The following RBL1 variants were observed in gnomAD, a reference collection of about 807,000 sequenced individuals.
RBL1 encodes retinoblastoma-like protein 1.
Under a neutral mutation model 123.0 loss-of-function variants are expected in RBL1, and 82 were observed. The observed-to-expected ratio is 0.67, with a 90% CI of 0.56 to 0.80. RBL1 has a LOEUF of 0.80. Ranked by LOEUF, RBL1 falls within the 30% of genes least tolerant of loss-of-function variation. The pLI is 0.00. For synonymous variants in RBL1, 405 were observed against 441.3 expected (o/e 0.92, Z 1.03); for missense variants, 1,171 against 1,299.6 (o/e 0.90, Z 1.52).
intron 12 of RBL1, among the ~76,000 whole-genome samples, chr20:37,044,761 T>C (rs1018806553): frequency 2.6e-5 from 4 of 152,234 alleles, no homozygotes; most frequent in Admixed American, 1.3e-4. Context: ...CACATATATT[T>C]CTGTTTTTCA....
chr20:37,061,559 C>G (rs1272148346), intron 8 of RBL1, among the ~76,000 whole-genome samples: 1 of 152,116 alleles, frequency 6.6e-6, no homozygotes, highest in African/African-American at 2.4e-5. Flanking sequence ...TTTCAGTTGA[C>G]AAAGTTAATG....
chr20:37,022,618 T>C (rs758269847), intron 17 of RBL1, 32 bp downstream of exon 17: 4 of 1,574,466 alleles, frequency 2.5e-6, no homozygotes, highest in African/African-American at 2.7e-5. Context: ...TGAGCCACCA[T>C]GCCCAGCCTC....
At position 37,056,220 on chromosome 20, in the gene RBL1, A is replaced by G; in HGVS notation, c.1289T>C (p.Ile430Thr). The change falls in exon 10 of 22, where the codon ATA becomes ACA. Residue 430 changes from isoleucine to threonine, a missense_variant. Physicochemically the swap from Ile to Thr is moderately conservative, Grantham distance 89. Coordinates refer to ENST00000373664, the MANE Select transcript of RBL1 (RefSeq NM_002895.5). Reference sequence around the variant, plus strand: ...GAAAGTCTCTCCTATTCCTTTTAGTATTTTCATAATGTTTTCCACAGGATT... The same window carrying G: ...GAAAGTCTCTCCTATTCCTTTTAGTGTTTTCATAATGTTTTCCACAGGATT... Reference protein sequence around the residue: ...VRNPVENIMKILKGIGETFCQ... With the variant: ...VRNPVENIMKTLKGIGETFCQ... The G allele has an allele frequency of 6.2e-7, 1 of 1,610,456 alleles. No homozygotes were observed. The highest frequency in any genetic ancestry group is 1.1e-5 in the South Asian group (1 of 90,692).
intron 11 of RBL1, among the ~76,000 whole-genome samples, chr20:37,048,901 T>TA (rs948529702): frequency 0.03 from 3,362 of 111,234 alleles, 155 homozygotes; most frequent in African/African-American, 0.097. Flanking sequence ...ACCATCGTAT[T>TA]AAAAAAAAAA....
At position 36,998,655 on chromosome 20, in the gene RBL1, C is replaced by T. The variant is rs2063914937; in HGVS notation, c.*104G>A. 3 of 1,009,818 alleles carry T rather than the reference C, an allele frequency of 3.0e-6. No homozygotes were observed. Among genetic ancestry groups the T allele is most frequent in the South Asian group, 2.0e-5 (1 of 48,938 alleles). 62.6% of individuals were successfully genotyped at this position (1,009,818 alleles called of 1,614,324 possible). A position where few individuals can be genotyped will look rare whatever the true frequency, so the allele number is the denominator to read the frequency against. On this transcript the variant is annotated 3_prime_UTR_variant, in exon 22 of 22. Coordinates refer to ENST00000373664, the MANE Select transcript of RBL1 (RefSeq NM_002895.5). ...TTTTTGTGCAATTTTTTCTTATAAC[C>T]CAGTGATATTTATCATCTATAGGGC... is the stretch of plus-strand genomic sequence containing the variant.
chr20:37,004,949 T>C (rs957006405), intron 20 of RBL1, among the ~76,000 whole-genome samples: 4 of 151,422 alleles, frequency 2.6e-5, no homozygotes, highest in Admixed American at 2.0e-4. Flanking sequence ...AGGCTGAGCA[T>C]GACAGTTGTT....
chr20:37,070,080 T>C (rs1256249114), intron 2 of RBL1, among the ~76,000 whole-genome samples: 1 of 152,216 alleles, frequency 6.6e-6, no homozygotes, highest in Non-Finnish European at 1.5e-5. Context: ...CGTGTCTGTG[T>C]AGAAAGAAGT....
chr20:37,058,122 AAAAAAAACAAAACAAAAC>A lies in RBL1; in HGVS notation c.1251-1882_1251-1865del, dbSNP rs1260162941. ...CAAGGGCGAAACTCTGTCTAAAAAA[AAAAAAAACAAAACAAAAC>A]AAAAAAAAAAAAGCCTATTCCAGGG... On this transcript the variant is annotated intron_variant, in intron 9 of 21. Transcript: ENST00000373664. Among the ~76,000 whole-genome samples, 710 of 147,458 alleles carry A rather than the reference AAAAAAAACAAAACAAAAC, an allele frequency of 4.8e-3. 92 individuals are homozygous for A. The East Asian group carries it at 0.077, about 16-fold the overall frequency.
Position 37,022,803 on chromosome 20 carries a change from G to A in RBL1, c.2406C>T (p.Arg802=), listed in dbSNP as rs749648419. The part of the protein sequence containing the change: ...YRKVYHLASV[R]LRDLCLKLDV... ...CCAGTTTTAGACATAGATCACGTAAGCGTACACTTGCCAAATGATAGACCT... is the reference window on the plus strand; with the variant it reads ...CCAGTTTTAGACATAGATCACGTAAACGTACACTTGCCAAATGATAGACCT... The change falls in exon 17 of 22, where the codon CGC becomes CGT. Residue 802 remains arginine (R), a synonymous_variant. Transcript: ENST00000373664. The A allele has an allele frequency of 5.6e-6, 9 of 1,610,848 alleles. No individual in the cohort carries two copies. Among genetic ancestry groups the A allele is most frequent in the South Asian group, 1.1e-5 (1 of 90,876 alleles).
intron 2 of RBL1, among the ~76,000 whole-genome samples, chr20:37,082,195 G>A (rs1192505971): frequency 1.3e-5 from 2 of 152,160 alleles, no homozygotes; most frequent in African/African-American, 4.8e-5. Context: ...CTCCTCCTCA[G>A]GTTGGGGCCA....
intron 3 of RBL1, among the ~76,000 whole-genome samples, chr20:37,067,766 CAAAAAAAAA>C (rs1168742059): frequency 4.8e-5 from 3 of 62,686 alleles, no homozygotes; most frequent in Non-Finnish European, 6.1e-5. Flanking sequence ...TGAGACTCCT[CAAAAAAAAA>C]AAAAAAAAAA....
Position 37,066,738 on chromosome 20 carries a change from G to A in RBL1, c.832C>T (p.Leu278Phe). 1 of 1,612,794 alleles carries A rather than the reference G, an allele frequency of 6.2e-7. No homozygotes were observed. The change falls in exon 6 of 22, where the codon CTC becomes TTC. Residue 278 changes from leucine (L) to phenylalanine (F), a missense_variant. Coordinates refer to ENST00000373664, the MANE Select transcript of RBL1 (RefSeq NM_002895.5). ...EHYFKPYISKLFDRKILKGEC... is the reference protein window; with the variant it reads ...EHYFKPYISKFFDRKILKGEC... ...AAGTACAGTACCTTCCTGTCAAAGA[G>A]TTTTGAAATATATGGCTTAAAGTAG... is the stretch of plus-strand genomic sequence containing the variant.
chr20:37,017,717 G>A (rs2146221702), intron 19 of RBL1, among the ~76,000 whole-genome samples: 1 of 150,994 alleles, frequency 6.6e-6, no homozygotes, highest in Non-Finnish European at 1.5e-5. Flanking sequence ...TGCAACCTCC[G>A]CCTCCTGGTT....
chr20:36,998,702 C>T lies in RBL1; in HGVS notation c.*57G>A. 6.7e-7 allele frequency: 1 copy of T among 1,484,234 alleles called. No individual in the cohort carries two copies. The highest frequency in any genetic ancestry group is 1.3e-5 in the South Asian group (1 of 78,076). The allele number at this position is 1,484,234 out of a possible 1,614,324, so 91.9% of individuals were successfully genotyped here. A position where few individuals can be genotyped will look rare whatever the true frequency, so the allele number is the denominator to read the frequency against. ...GGGCTAAAAGGTTTGAAGGACAGAG[C>T]TCCAACTTTCTGCAGAACAATCTGA... is the stretch of plus-strand genomic sequence containing the variant. On this transcript the variant is annotated 3_prime_UTR_variant, in exon 22 of 22. Coordinates refer to ENST00000373664, the MANE Select transcript of RBL1 (RefSeq NM_002895.5).
At chr20:37,012,554 C>T (rs1161045065) in intron 19 of RBL1, among the ~76,000 whole-genome samples, 3 of 150,538 alleles carry the variant, frequency 2.0e-5, no homozygotes, top group African/African-American at 4.9e-5. Flanking sequence ...TACCCGGCCG[C>T]GACCCCGTCT....
At chr20:37,012,112 G>C (rs902934292) in intron 19 of RBL1, among the ~76,000 whole-genome samples, 1 of 152,236 alleles carries the variant, frequency 6.6e-6, no homozygotes, top group Non-Finnish European at 1.5e-5. Context: ...TGATCCGCCA[G>C]CCTCGGCCTG....
chr20:37,042,511 A>G (rs567820110), intron 13 of RBL1, among the ~76,000 whole-genome samples: 2 of 152,310 alleles, frequency 1.3e-5, no homozygotes, highest in African/African-American at 2.4e-5. Context: ...CAGAGTTACC[A>G]TATGAACCTG....
intron 9 of RBL1, among the ~76,000 whole-genome samples, chr20:37,059,593 T>C (rs961318947): frequency 2.0e-5 from 3 of 152,180 alleles, no homozygotes; most frequent in Non-Finnish European, 4.4e-5. Flanking sequence ...ATCTGAAGTA[T>C]TGATGAGAAT....
chr20:37,003,750 A>G lies in RBL1; in HGVS notation c.2988T>C (p.Leu996=). The change falls in exon 21 of 22, where the codon CTT becomes CTC. Residue 996 remains leucine, a synonymous_variant. Transcript: ENST00000373664. ...TGTACAGCAGAGCGCTTCTTGGTGT[A>G]AGGCCTGACCCATTCTTGTGCGGGG... ...YISPHKNGSG[L]TPRSALLYKF... The G allele has an allele frequency of 2.5e-6, 4 of 1,613,968 alleles. No individual in the cohort carries two copies. Among genetic ancestry groups the G allele is most frequent in the Non-Finnish European group, 3.4e-6 (4 of 1,179,932 alleles).
Sources: gnomAD v4.1 joint callset for allele counts (sites outside exome capture counted in the v4.1 genomes callset) on GRCh38, gnomAD v4.1.1 for gene constraint, MANE v1.5 for transcripts, NCBI Gene and HGNC (gene_info 2026-07-23, HGNC 2026-07-21) for gene names.